MARK2: variants seen among roughly 807,000 people sequenced by gnomAD.
The protein encoded by MARK2 is serine/threonine-protein kinase MARK2.
Under a neutral mutation model 89.8 loss-of-function variants are expected in MARK2, and 16 were observed. The observed-to-expected ratio is 0.18, with a 90% CI of 0.12 to 0.27. The LOEUF is 0.27. MARK2 is among the 10% of genes least tolerant of loss of function. MARK2 has a pLI of 1.00. For synonymous variants in MARK2, 382 were observed against 399.5 expected (o/e 0.96, Z 0.52); for missense variants, 621 against 1,049.9 (o/e 0.59, Z 5.65).
At chr11:63,907,208 G>A (rs1032938936) in intron 17 of MARK2, among the ~76,000 whole-genome samples, 2 of 152,200 alleles carry the variant, frequency 1.3e-5, no homozygotes, top group Non-Finnish European at 2.9e-5. Flanking sequence ...ATGGAGGAAC[G>A]TCCAGACAGG....
intron 2 of MARK2, 83 bp from the exon 3 acceptor site, chr11:63,895,497 G>A (rs1334224044): frequency 4.1e-6 from 6 of 1,458,390 alleles, no homozygotes; most frequent in Non-Finnish European, 5.8e-6. Flanking sequence ...AAAGGAGTAA[G>A]AAATATAAAG....
Position 63,886,431 on chromosome 11 carries a change from CT to C in MARK2, c.55-8717del, listed in dbSNP as rs113239220. Among the ~76,000 whole-genome samples, 498 of 142,618 alleles carry C rather than the reference CT, an allele frequency of 3.5e-3. 3 individuals are homozygous for C. Among genetic ancestry groups the C allele is most frequent in the African/African-American group, 0.011 (430 of 39,182 alleles). 93.6% of individuals were successfully genotyped at this position (142,618 alleles called of 152,430 possible). On this transcript the variant is annotated intron_variant, in intron 1 of 18. Transcript: ENST00000402010. Reference sequence around the variant, plus strand: ...AGCAACAGTGCTCAGCCCCGTGTGGCTTTTTTTTTTTGAGACAGAGTCTCAC... The same window carrying C: ...AGCAACAGTGCTCAGCCCCGTGTGGCTTTTTTTTTTGAGACAGAGTCTCAC...
intron 1 of MARK2, among the ~76,000 whole-genome samples, chr11:63,875,791 T>C: frequency 6.6e-6 from 1 of 152,218 alleles, no homozygotes; most frequent in East Asian, 1.9e-4. Flanking sequence ...CCAGAGAGGC[T>C]GCTGGATTCT....
Position 63,902,743 on chromosome 11 carries a change from C to T in MARK2, c.1377C>T (p.Pro459=), listed in dbSNP as rs56291692. Residue 459 remains proline (P), a synonymous_variant, in exon 13 of 19, where the codon CCC becomes CCT. Transcript: ENST00000402010. This position sits in a 1 kb window ranked among gnomAD's most constrained non-coding sequence, Gnocchi z 4.2. ...CCAAGGTGCCTGCCAGCCCCCTGCC[C>T]GGTCTGGAGAGGAAGAAGACCACCC... ...STAKVPASPL[P]GLERKKTTPT... 2.0e-5 allele frequency: 32 copies of T among 1,613,660 alleles called. No individual in the cohort carries two copies. Among genetic ancestry groups the T allele is most frequent in the African/African-American group, 8.0e-5 (6 of 75,012 alleles).
rs1204924159 is a variant in MARK2, at chr11:63,909,398, T to TG, written c.*167dup. ...TTCTCAGTTTTCTCTTACATGTTTG[T>TG]GGGGGGTGGGAGATTGTTCTCCAGC... On this transcript the variant is annotated 3_prime_UTR_variant, in exon 19 of 19. Coordinates refer to ENST00000402010, the MANE Select transcript of MARK2 (RefSeq NM_001039469.3). 4.3e-6 allele frequency: 3 copies of TG among 704,948 alleles called. No homozygotes were observed. Among genetic ancestry groups the TG allele is most frequent in the East Asian group, 6.1e-5 (2 of 32,550 alleles). 43.7% of individuals were successfully genotyped at this position (704,948 alleles called of 1,614,324 possible).
intron 1 of MARK2, among the ~76,000 whole-genome samples, chr11:63,845,299 C>T (rs1013949402): frequency 3.3e-5 from 5 of 152,072 alleles, no homozygotes; most frequent in African/African-American, 1.2e-4. Context: ...CGCCAGTTTC[C>T]CCACTTTCCC....
rs931974510 is a variant in MARK2, at chr11:63,909,599, C to T, written c.*362C>T. ...AAAAAGAAAAAAGAAAAAAAAAATC[C>T]CAGCGGCCACCTTTCCTCCCTGCCC... On this transcript the variant is annotated 3_prime_UTR_variant, in exon 19 of 19. Coordinates refer to ENST00000402010, the MANE Select transcript of MARK2 (RefSeq NM_001039469.3). The T allele has an allele frequency of 1.8e-5, 3 of 166,646 alleles. No individual in the cohort carries two copies. Among genetic ancestry groups the T allele is most frequent in the African/African-American group, 7.2e-5 (3 of 41,896 alleles). The allele number at this position is 166,646 out of a possible 1,614,324, so 10.3% of individuals were successfully genotyped here.
intron 1 of MARK2, among the ~76,000 whole-genome samples, chr11:63,864,099 G>A (rs1334775342): frequency 4.1e-5 from 6 of 148,104 alleles, no homozygotes; most frequent in African/African-American, 1.0e-4. Context: ...GACTACAGGC[G>A]CCCGCCACCA....
In MARK2 at chr11:63,900,154, G is replaced by T. The variant is rs766546423; in HGVS notation, c.768+44G>T. ...TTTTTATTGCTTCTCATTTCCTCTC[G>T]GCCTCTGGTCTTAGCCCTGACCTCC... is the stretch of plus-strand genomic sequence containing the variant. On this transcript the variant is annotated intron_variant, in intron 8 of 18. Transcript: ENST00000402010. The surrounding 1 kb of genome is among the most constrained non-coding windows in gnomAD (Gnocchi z 4.7). The T allele has an allele frequency of 4.8e-6, 7 of 1,456,384 alleles. No individual in the cohort carries two copies. The highest frequency in any genetic ancestry group is 1.4e-5 in the African/African-American group (1 of 71,694). The allele number at this position is 1,456,384 out of a possible 1,614,324, so 90.2% of individuals were successfully genotyped here.
rs1186875145 is a variant in MARK2 at position 63,839,222 on chromosome 11, C to T, written c.-285C>T. 3 of 228,274 alleles carry T rather than the reference C, an allele frequency of 1.3e-5. No individual in the cohort carries two copies. The highest frequency in any genetic ancestry group is 1.7e-4 in the South Asian group (1 of 5,828). 14.1% of individuals were successfully genotyped at this position (228,274 alleles called of 1,614,324 possible). A position where few individuals can be genotyped will look rare whatever the true frequency, so the allele number is the denominator to read the frequency against. ...GAGGAGCGAGGCAGGCGGCCGGCTG[C>T]GGCGGCAGAGAGTAGGCGGAGCGGC... is the stretch of plus-strand genomic sequence containing the variant. On this transcript the variant is annotated 5_prime_UTR_variant, in exon 1 of 19. Coordinates refer to ENST00000402010, the MANE Select transcript of MARK2 (RefSeq NM_001039469.3).
rs187755390 is a variant in MARK2 at position 63,902,391 on chromosome 11, T to C, written c.1234+61T>C. The C allele has an allele frequency of 6.2e-7, 1 of 1,600,634 alleles. No homozygotes were observed. Among genetic ancestry groups the C allele is most frequent in the African/African-American group, 1.3e-5 (1 of 74,600 alleles). ...CCCTCTCCAGAGAGGTTACAGGTTC[T>C]GTGGGGACTTGGGTAACACAACTAA... On this transcript the variant is annotated intron_variant, in intron 12 of 18. Transcript: ENST00000402010. The surrounding 1 kb of genome is among the most constrained non-coding windows in gnomAD (Gnocchi z 4.2).
chr11:63,905,868 A>G (rs1229325116), intron 16 of MARK2, among the ~76,000 whole-genome samples: 2 of 152,110 alleles, frequency 1.3e-5, no homozygotes, highest in Non-Finnish European at 2.9e-5. Context: ...AGCCAAAGCC[A>G]CTGCCCCATC....
chr11:63,898,365 G>A (rs1172174369), intron 4 of MARK2, 85 bp downstream of exon 4: 12 of 1,291,586 alleles, frequency 9.3e-6, no homozygotes, highest in Admixed American at 1.7e-5. Context: ...GAGGTGCACT[G>A]CCTTCTGGAG....
At chr11:63,839,753 T>A (rs1210321327) in intron 1 of MARK2, among the ~76,000 whole-genome samples, 193 bp downstream of exon 1, 1 of 146,092 alleles carries the variant, frequency 6.8e-6, no homozygotes, top group Non-Finnish European at 1.5e-5. Context: ...TCGTCCTGAC[T>A]CCAAGCTGCA....
Position 63,909,004 on chromosome 11 carries a change from C to A in MARK2, c.2134C>A (p.Arg712=), listed in dbSNP as rs1254361613. The change falls in exon 19 of 19, where the codon CGG becomes AGG. Residue 712 remains arginine (R), a synonymous_variant. Transcript: ENST00000402010. ...TSSMEPNEMM[R]EIRKVLDANS... ...CTCCATGGAGCCCAACGAGATGATG[C>A]GGGAGATCCGCAAGGTGCTGGACGC... The A allele has an allele frequency of 6.3e-7, 1 of 1,583,106 alleles. No individual in the cohort carries two copies. Among genetic ancestry groups the A allele is most frequent in the South Asian group, 1.1e-5 (1 of 89,862 alleles).
At chr11:63,850,122 T>A (rs2016492430) in intron 1 of MARK2, 1 of 151,942 alleles carries the variant, frequency 6.6e-6, no homozygotes, top group African/African-American at 2.4e-5. Flanking sequence ...CTATAGGTGC[T>A]TTTTCTAACA....
Position 63,904,196 on chromosome 11 carries a change from A to G in MARK2, c.1676+49A>G. ...GCACCTGCTGCCCTCAGCCCACCCT[A>G]CCCCCTTGCCCCAACAATTTCTTCT... On this transcript the variant is annotated intron_variant, in intron 15 of 18. Coordinates refer to ENST00000402010, the MANE Select transcript of MARK2 (RefSeq NM_001039469.3). The surrounding 1 kb of genome is among the most constrained non-coding windows in gnomAD (Gnocchi z 6.3). 6.8e-7 allele frequency: 1 copy of G among 1,464,390 alleles called. No individual in the cohort carries two copies. Among genetic ancestry groups the G allele is most frequent in the Non-Finnish European group, 9.0e-7 (1 of 1,105,816 alleles). The allele number at this position is 1,464,390 out of a possible 1,614,324, so 90.7% of individuals were successfully genotyped here. A position where few individuals can be genotyped will look rare whatever the true frequency, so the allele number is the denominator to read the frequency against.
chr11:63,899,463 C>T (rs1293875582), intron 7 of MARK2, among the ~76,000 whole-genome samples: 1 of 152,152 alleles, frequency 6.6e-6, no homozygotes, highest in Non-Finnish European at 1.5e-5. Context: ...GGGAAGAGTG[C>T]TGAAAGTTCC....
At chr11:63,901,309 G>A (rs1940844082) in intron 11 of MARK2, among the ~76,000 whole-genome samples, 1 of 152,098 alleles carries the variant, frequency 6.6e-6, no homozygotes, top group Non-Finnish European at 1.5e-5. Flanking sequence ...ATACGGGTGA[G>A]TTGATCTAGG....
Sources: gnomAD v4.1 joint callset for allele counts (sites outside exome capture counted in the v4.1 genomes callset) on GRCh38, gnomAD v4.1.1 for gene constraint, Gnocchi (gnomAD v3.1) non-coding constraint, MANE v1.5 for transcripts, NCBI Gene and HGNC (gene_info 2026-07-23, HGNC 2026-07-21) for gene names.